Variants in FAP observed in about 807,000 individuals in gnomAD.
FAP encodes fibroblast activation protein alpha, also known as prolyl endopeptidase FAP.
In FAP, 110 loss-of-function variants were observed where a neutral mutation model predicts 126.5. That is an observed-to-expected ratio of 0.87 (90% CI 0.74 to 1.02). The LOEUF (loss-of-function observed/expected upper bound fraction) is 1.02, where lower values mean the gene tolerates loss of function less well. FAP is among the 50% of genes least tolerant of loss of function. The pLI, the probability that FAP is intolerant of heterozygous loss-of-function variation, is 0.00. For missense variants in FAP, 919 were observed against 909.2 expected, an observed-to-expected ratio of 1.01 and a Z score of -0.14; for synonymous variants, 334 against 297.3, an observed-to-expected ratio of 1.12 and a Z score of -1.27.
chr2:162,189,004 C>A, intron 19 of FAP, 99 bp downstream of exon 19: 3 of 643,420 alleles, frequency 4.7e-6, no homozygotes, highest in Non-Finnish European at 7.9e-6. Context: ...TCAATAGGCA[C>A]TGTTACCAAG....
At chr2:162,235,203 C>T (rs753433965) in intron 2 of FAP, among the ~76,000 whole-genome samples, 1 of 151,984 alleles carries the variant, frequency 6.6e-6, no homozygotes, top group Non-Finnish European at 1.5e-5. Context: ...TCCCCCTCCG[C>T]CATGGGCTCC....
Position 162,235,167 on chromosome 2 carries a change from G to A in FAP, c.91+7741C>T, listed in dbSNP as rs1300761459. ...AGTCCCCCGTCACCCCCTCCGCACCGCCCGCCCCCTGTCACCTCCTGCCCC... is the reference window on the plus strand; with the variant it reads ...AGTCCCCCGTCACCCCCTCCGCACCACCCGCCCCCTGTCACCTCCTGCCCC... On this transcript the variant is annotated intron_variant, in intron 2 of 25. Transcript: ENST00000188790. Among the ~76,000 whole-genome samples, 151 of 71,996 alleles carry A rather than the reference G, an allele frequency of 2.1e-3. 1 individual carries two copies. The highest frequency in any genetic ancestry group is 0.016 in the Admixed American group (148 of 9,478). 47.2% of individuals were successfully genotyped at this position (71,996 alleles called of 152,430 possible).
chr2:162,235,727 C>G (rs900446945), intron 2 of FAP, among the ~76,000 whole-genome samples: 5 of 152,198 alleles, frequency 3.3e-5, no homozygotes, highest in African/African-American at 1.2e-4. Context: ...CAGTGGCACT[C>G]TGCTGGGGTC....
At chr2:162,240,826 G>A (rs1395184344) in intron 2 of FAP, among the ~76,000 whole-genome samples, 1 of 152,090 alleles carries the variant, frequency 6.6e-6, no homozygotes, top group East Asian at 1.9e-4. Flanking sequence ...TCCCTTTCCT[G>A]CCTTGCCATC....
At chr2:162,175,235 G>C (rs935220309) in intron 21 of FAP, 6 of 208,810 alleles carry the variant, frequency 2.9e-5, no homozygotes, top group South Asian at 1.8e-4. Flanking sequence ...TTAAGAGATA[G>C]ACAGAATTTC....
Position 162,189,137 on chromosome 2 carries a change from C to A in FAP, c.1585G>T (p.Asp529Tyr). The stretch of plus-strand genomic sequence containing the variant: ...AGCAAGGGATACTTCTTTGATCTGT[C>A]AAATTGAGGAGGAAGAATCATCTTG... ...WYKMILPPQFDRSKKYPLLIQ... is the reference protein window; with the variant it reads ...WYKMILPPQFYRSKKYPLLIQ... Residue 529 changes from aspartate to tyrosine, a missense_variant, in exon 19 of 26, where the codon GAC (aspartate) becomes TAC (tyrosine). Asp to Tyr is a radical substitution (Grantham distance 160). Coordinates refer to ENST00000188790, the MANE Select transcript of FAP (RefSeq NM_004460.5). 2 of 1,601,454 alleles carry A rather than the reference C, an allele frequency of 1.2e-6. No individual in the cohort carries two copies. The highest frequency in any genetic ancestry group is 1.1e-5 in the South Asian group (1 of 89,272).
intron 21 of FAP, among the ~76,000 whole-genome samples, chr2:162,179,805 TA>T (rs1474824754): frequency 1.9e-4 from 27 of 140,208 alleles, no homozygotes; most frequent in African/African-American, 4.6e-4. Context: ...TATATATATA[TA>T]TATATATTTT....
chr2:162,225,357 T>C (rs1689593576), intron 4 of FAP, 126 bp downstream of exon 4: 1 of 1,203,134 alleles, frequency 8.3e-7, no homozygotes, highest in South Asian at 1.4e-5. Flanking sequence ...GGGAAGACTC[T>C]AGTGGAGTAT....
chr2:162,199,988 G>A (rs1688430543), intron 15 of FAP, among the ~76,000 whole-genome samples: 1 of 152,120 alleles, frequency 6.6e-6, no homozygotes, highest in Non-Finnish European at 1.5e-5. Context: ...AGTGCTGTTG[G>A]AATTAAATGA....
chr2:162,208,123 G>T (rs1481809143), intron 12 of FAP, among the ~76,000 whole-genome samples: 1 of 151,658 alleles, frequency 6.6e-6, no homozygotes, highest in Non-Finnish European at 1.5e-5. Context: ...GGGCGTGATG[G>T]TGGGCGCCTG....
chr2:162,173,222 C>T lies in FAP; in HGVS notation c.2035-1G>A, dbSNP rs1290976243. 6.2e-7 allele frequency: 1 copy of T among 1,611,782 alleles called. No homozygotes were observed. Among genetic ancestry groups the T allele is most frequent in the Non-Finnish European group, 8.5e-7 (1 of 1,178,348 alleles). ...CTGCTCTTGCCATCACAGTTGAATT[C>T]TGGAAAAGAGAAAAAAATTAACATT... On this transcript the variant is annotated splice_acceptor_variant, in intron 23 of 25. Transcript: ENST00000188790. LOFTEE classifies it high-confidence loss of function.
At chr2:162,179,709 T>C in intron 21 of FAP, among the ~76,000 whole-genome samples, 1 of 151,658 alleles carries the variant, frequency 6.6e-6, no homozygotes, top group East Asian at 1.9e-4. Context: ...AGAATGGACA[T>C]TGCAGATGCG....
At chr2:162,209,772 G>T in intron 12 of FAP, 180 bp downstream of exon 12, 1 of 567,198 alleles carries the variant, frequency 1.8e-6, no homozygotes, top group Non-Finnish European at 3.1e-6. Flanking sequence ...ATTCTAAAAA[G>T]GACATTGAAA....
chr2:162,222,962 G>A (rs1476297302), intron 6 of FAP, among the ~76,000 whole-genome samples: 3 of 151,698 alleles, frequency 2.0e-5, no homozygotes, highest in South Asian at 2.1e-4. Context: ...AATTCTCTTC[G>A]TCAATGCTTC....
intron 21 of FAP, among the ~76,000 whole-genome samples, chr2:162,182,470 A>C (rs1687724901): frequency 6.6e-6 from 1 of 152,212 alleles, no homozygotes. Context: ...AGTTTTAAGA[A>C]GGACCAAATG....
chr2:162,243,149 C>A, intron 1 of FAP, 157 bp from the exon 2 acceptor site: 1 of 800,470 alleles, frequency 1.2e-6, no homozygotes, highest in Non-Finnish European at 2.0e-6. Flanking sequence ...TCTTCCAGCT[C>A]TGCAAGGACA....
In FAP at chr2:162,198,873, A is replaced by G. The variant is rs1461043159; in HGVS notation, c.1286T>C (p.Ile429Thr). Reference protein sequence around the residue: ...PGRRNIYRISIGSYPPSKKCV... With the variant: ...PGRRNIYRISTGSYPPSKKCV... ...CTTCTTGCTTGGAGGATAGCTTCCA[A>G]TGCTAATTCTAGAGGGAAATGAAAA... Residue 429 changes from isoleucine (I) to threonine (T), a missense_variant, in exon 16 of 26, where the codon ATT becomes ACT. Coordinates refer to ENST00000188790, the MANE Select transcript of FAP (RefSeq NM_004460.5). The G allele has an allele frequency of 3.1e-6, 5 of 1,613,754 alleles. No individual in the cohort carries two copies. The highest frequency in any genetic ancestry group is 2.2e-5 in the East Asian group (1 of 44,882).
intron 22 of FAP, among the ~76,000 whole-genome samples, chr2:162,174,137 C>T (rs1687404653): frequency 6.6e-6 from 1 of 152,088 alleles, no homozygotes; most frequent in African/African-American, 2.4e-5. Context: ...AAGAAAATCA[C>T]AAATCCAGCC....
intron 10 of FAP, among the ~76,000 whole-genome samples, chr2:162,215,384 A>C (rs544961792): frequency 6.6e-6 from 1 of 152,340 alleles, no homozygotes; most frequent in East Asian, 1.9e-4. Flanking sequence ...ACAATCAGAC[A>C]TAGGGCATCA....
Sources: allele counts gnomAD v4.1 joint callset (sites outside exome capture counted in the v4.1 genomes callset), GRCh38; gene constraint gnomAD v4.1.1; transcripts MANE v1.5; gene names NCBI Gene and HGNC (gene_info 2026-07-23, HGNC 2026-07-21).